TIAM1: variants seen among roughly 807,000 people sequenced by gnomAD.
TIAM1 encodes the protein rho guanine nucleotide exchange factor TIAM1.
In TIAM1, 65 loss-of-function variants were observed where a neutral mutation model predicts 163.5. That is an observed-to-expected ratio of 0.40 (90% CI 0.33 to 0.49). The LOEUF is 0.49. Ranked by LOEUF, TIAM1 falls within the 20% of genes least tolerant of loss-of-function variation. The pLI, the probability that TIAM1 is intolerant of heterozygous loss-of-function variation, is 0.77. For synonymous variants in TIAM1, 833 were observed against 810.1 expected, an observed-to-expected ratio of 1.03 and a Z score of -0.48; for missense variants, 1,789 against 2,044.7, an observed-to-expected ratio of 0.87 and a Z score of 2.41.
At chr21:31,185,423 T>C (rs528994546) in intron 14 of TIAM1, among the ~76,000 whole-genome samples, 5 of 142,728 alleles carry the variant, frequency 3.5e-5, no homozygotes, top group South Asian at 2.1e-4. Context: ...TATAATTATG[T>C]TATATAATTA....
At chr21:31,150,466 G>C (rs577847569) in intron 19 of TIAM1, among the ~76,000 whole-genome samples, 22 of 152,214 alleles carry the variant, frequency 1.4e-4, no homozygotes, top group African/African-American at 4.8e-4. Flanking sequence ...AAAAGAAATT[G>C]AGTGGAAAAA....
chr21:31,475,558 T>C (rs926620900), intron 1 of TIAM1, among the ~76,000 whole-genome samples: 3 of 152,216 alleles, frequency 2.0e-5, no homozygotes, highest in Admixed American at 1.3e-4. Flanking sequence ...CGCTACATTC[T>C]TGCAACTCTC....
At position 31,360,614 on chromosome 21, in the gene TIAM1, C is replaced by T. The variant is rs79196563; in HGVS notation, c.-368-21192G>A. On this transcript the variant is annotated intron_variant, in intron 2 of 28. Transcript: ENST00000286827. Reference sequence around the variant, plus strand: ...ACAAGACAATAAAATGCAAGCCACACGGTGAGACAATGTTTGCGACTCATG... The same window carrying T: ...ACAAGACAATAAAATGCAAGCCACATGGTGAGACAATGTTTGCGACTCATG... 3.0e-3 allele frequency among the ~76,000 whole-genome samples: 453 copies of T among 152,054 alleles called. 2 individuals carry two copies. Among genetic ancestry groups the T allele is most frequent in the African/African-American group, 9.8e-3 (406 of 41,468 alleles).
At chr21:31,358,621 C>T (rs2076354009) in intron 2 of TIAM1, among the ~76,000 whole-genome samples, 1 of 152,120 alleles carries the variant, frequency 6.6e-6, no homozygotes, top group African/African-American at 2.4e-5. Flanking sequence ...TCACATCCCA[C>T]ATCGAATCAG....
chr21:31,417,987 C>G (rs1041722052), intron 2 of TIAM1, among the ~76,000 whole-genome samples: 1 of 152,116 alleles, frequency 6.6e-6, no homozygotes, highest in Non-Finnish European at 1.5e-5. Context: ...ACTGTGAGCC[C>G]TTCAGTTTTT....
At chr21:31,315,088 A>G (rs572614106) in intron 2 of TIAM1, among the ~76,000 whole-genome samples, 4 of 152,270 alleles carry the variant, frequency 2.6e-5, no homozygotes, top group Non-Finnish European at 4.4e-5. Context: ...TCAACATGCA[A>G]TGAGGCTGGG....
At chr21:31,471,734 T>C (rs1333032576) in intron 1 of TIAM1, among the ~76,000 whole-genome samples, 1 of 152,008 alleles carries the variant, frequency 6.6e-6, no homozygotes, top group African/African-American at 2.4e-5. Context: ...CCAGGCATGG[T>C]GGTGCGTGCC....
rs561521945 is a variant in TIAM1 at position 31,217,777 on chromosome 21, C to T, written c.1996-78G>A. The stretch of plus-strand genomic sequence containing the variant: ...CTTGTGCCTTGAGGTCCCCGTAAGT[C>T]CCACCCTTCAAAAAACCCTCCTCCA... On this transcript the variant is annotated intron_variant, in intron 8 of 27. Transcript: ENST00000541036. 3.0e-3 allele frequency: 4,598 copies of T among 1,527,938 alleles called. 12 individuals are homozygous for T. The highest frequency in any genetic ancestry group is 3.8e-3 in the Non-Finnish European group (4,353 of 1,133,800). 94.6% of individuals were successfully genotyped at this position (1,527,938 alleles called of 1,614,324 possible).
chr21:31,468,762 C>A (rs9636852), intron 1 of TIAM1, among the ~76,000 whole-genome samples: 1 of 151,876 alleles, frequency 6.6e-6, no homozygotes, highest in African/African-American at 2.4e-5. Context: ...GGTGACAGAG[C>A]GAGACTCCAT....
At chr21:31,254,257 T>G (rs923862719) in intron 4 of TIAM1, among the ~76,000 whole-genome samples, 1 of 152,228 alleles carries the variant, frequency 6.6e-6, no homozygotes, top group Non-Finnish European at 1.5e-5. Context: ...ATCTCATTGA[T>G]TGACAGCCTG....
chr21:31,193,672 T>A (rs1454526180), intron 13 of TIAM1, among the ~76,000 whole-genome samples: 1 of 152,104 alleles, frequency 6.6e-6, no homozygotes, highest in Non-Finnish European at 1.5e-5. Flanking sequence ...AAATCCTCAG[T>A]AACATTTTCC....
chr21:31,245,381 A>T, intron 6 of TIAM1, 107 bp downstream of exon 6: 4 of 792,990 alleles, frequency 5.0e-6, no homozygotes, highest in East Asian at 8.0e-5. Context: ...CTAAAAAAAA[A>T]AAAAAAAAAA....
chr21:31,525,558 G>T (rs1013185783), intron 1 of TIAM1, among the ~76,000 whole-genome samples: 16 of 151,962 alleles, frequency 1.1e-4, no homozygotes, highest in Non-Finnish European at 1.9e-4. Flanking sequence ...CCAACTATTA[G>T]GAATCATCAT....
chr21:31,256,592 C>CACACACACACAG (rs1404405595), intron 4 of TIAM1, among the ~76,000 whole-genome samples: 2 of 139,348 alleles, frequency 1.4e-5, no homozygotes, highest in African/African-American at 6.2e-5. Context: ...CCTCACTACA[C>CACACACACACAG]ACACACACAC....
At chr21:31,245,057 T>A (rs1379574441) in intron 6 of TIAM1, among the ~76,000 whole-genome samples, 1 of 152,204 alleles carries the variant, frequency 6.6e-6, no homozygotes, top group Non-Finnish European at 1.5e-5. Flanking sequence ...ATTTCTGAGA[T>A]GTCATTATTT....
intron 6 of TIAM1, among the ~76,000 whole-genome samples, chr21:31,229,094 A>G (rs577201604): frequency 6.6e-6 from 1 of 152,232 alleles, no homozygotes; most frequent in African/African-American, 2.4e-5. Flanking sequence ...CAGCCAAACC[A>G]TATCAAGTAT....
intron 2 of TIAM1, among the ~76,000 whole-genome samples, chr21:31,400,954 G>A (rs951726978): frequency 6.6e-6 from 1 of 152,148 alleles, no homozygotes; most frequent in African/African-American, 2.4e-5. Flanking sequence ...AGCTGGGCAT[G>A]GTGGCAGGCT....
chr21:31,182,782 G>A (rs1186782775), intron 14 of TIAM1, 137 bp from the exon 15 acceptor site: 10 of 834,850 alleles, frequency 1.2e-5, no homozygotes, highest in South Asian at 2.1e-5. Flanking sequence ...TGCGGTGCTC[G>A]GGAGTGATCC....
chr21:31,168,471 G>T (rs377132405), intron 15 of TIAM1, among the ~76,000 whole-genome samples: 180 of 152,124 alleles, frequency 1.2e-3, no homozygotes, highest in African/African-American at 3.7e-3. Context: ...CGCAATCTCG[G>T]CTCACTGCCA....
Sources: allele counts gnomAD v4.1 joint callset (sites outside exome capture counted in the v4.1 genomes callset), GRCh38; gene constraint gnomAD v4.1.1; transcripts MANE v1.5; gene names NCBI Gene and HGNC (gene_info 2026-07-23, HGNC 2026-07-21).